The following NBEA variants were observed in gnomAD, a reference collection of about 807,000 sequenced individuals.
The protein encoded by NBEA is lysosomal-trafficking regulator 2.
In NBEA, 44 loss-of-function variants were observed where a neutral mutation model predicts 343.4. The observed-to-expected ratio is 0.13, with a 90% CI of 0.10 to 0.16. The LOEUF (loss-of-function observed/expected upper bound fraction) is 0.16. Ranked by LOEUF, NBEA falls within the 10% of genes least tolerant of loss-of-function variation. The pLI, the probability that NBEA is intolerant of heterozygous loss-of-function variation, is 1.00. For synonymous variants in NBEA, 1,175 were observed against 1,238.7 expected (o/e 0.95, Z 1.08); for missense variants, 2,555 against 3,631.3 (o/e 0.70, Z 7.62).
chr13:35,210,913 T>C, intron 32 of NBEA, 140 bp from the exon 33 acceptor site: 1 of 794,520 alleles, frequency 1.3e-6, no homozygotes, highest in Non-Finnish European at 2.0e-6. Flanking sequence ...GCATACTTAC[T>C]AATGGCCAAA....
chr13:35,454,104 TC>T (rs2152947403), intron 40 of NBEA, among the ~76,000 whole-genome samples: 1 of 152,266 alleles, frequency 6.6e-6, no homozygotes, highest in South Asian at 2.1e-4. Context: ...AAAGTATTGA[TC>T]CTCTGCCTAC....
intron 1 of NBEA, among the ~76,000 whole-genome samples, chr13:34,985,140 G>A (rs888309502): frequency 6.6e-6 from 1 of 151,020 alleles, no homozygotes; most frequent in African/African-American, 2.4e-5. Flanking sequence ...AATGCTTCAA[G>A]TTTTTGCCCA....
chr13:35,377,475 G>C (rs150562446), intron 38 of NBEA, among the ~76,000 whole-genome samples: 126 of 152,294 alleles, frequency 8.3e-4, no homozygotes, highest in African/African-American at 2.9e-3. Context: ...ATTCACTGTA[G>C]TTTGATAGTT....
rs1265630912 is a variant in NBEA, at chr13:35,566,966, A to G, written c.6984A>G (p.Glu2328=). The part of the protein sequence containing the change: ...PVFPWVLTNY[E]SEELDLTLPG... ...TTCCGTGGGTGTTAACCAACTATGA[A>G]TCAGAAGAGTTGGACCTGACTCTTC... The change falls in exon 45 of 59, where the codon GAA becomes GAG. Residue 2328 remains glutamate, a synonymous_variant. Transcript: ENST00000379939. The G allele has an allele frequency of 6.2e-7, 1 of 1,613,014 alleles. No homozygotes were observed. Among genetic ancestry groups the G allele is most frequent in the Admixed American group, 1.7e-5 (1 of 60,014 alleles).
intron 40 of NBEA, among the ~76,000 whole-genome samples, chr13:35,459,279 G>A (rs562132580): frequency 3.3e-5 from 5 of 152,078 alleles, no homozygotes; most frequent in African/African-American, 1.2e-4. Flanking sequence ...CATAGCTATT[G>A]TTCTACTAGT....
At chr13:35,663,456 T>A (rs1016736817) in intron 55 of NBEA, among the ~76,000 whole-genome samples, 6 of 152,236 alleles carry the variant, frequency 3.9e-5, no homozygotes, top group African/African-American at 1.4e-4. Flanking sequence ...TTCTTTTTTT[T>A]TATAGCAGAA....
intron 1 of NBEA, among the ~76,000 whole-genome samples, chr13:34,983,597 A>T (rs2060438401): frequency 6.6e-6 from 1 of 152,178 alleles, no homozygotes; most frequent in Admixed American, 6.5e-5. Context: ...GAATTGCCAC[A>T]CTGTCTTCCA....
At chr13:35,539,538 A>T (rs556218888) in intron 41 of NBEA, among the ~76,000 whole-genome samples, 1 of 152,310 alleles carries the variant, frequency 6.6e-6, no homozygotes, top group East Asian at 1.9e-4. Flanking sequence ...CTTCATATGC[A>T]TAAATTGTAC....
intron 41 of NBEA, among the ~76,000 whole-genome samples, chr13:35,480,914 C>G (rs961072305): frequency 5.3e-5 from 8 of 151,868 alleles, no homozygotes; most frequent in African/African-American, 1.9e-4. Context: ...TAGCTTGAAA[C>G]CTTTCAAGGT....
At chr13:35,313,572 A>G (rs1310161020) in intron 36 of NBEA, among the ~76,000 whole-genome samples, 1 of 152,184 alleles carries the variant, frequency 6.6e-6, no homozygotes, top group Non-Finnish European at 1.5e-5. Flanking sequence ...GGAGGTCATG[A>G]TGATCTCATC....
chr13:35,233,156 A>T (rs566343418), intron 34 of NBEA, among the ~76,000 whole-genome samples: 1 of 152,120 alleles, frequency 6.6e-6, no homozygotes, highest in Non-Finnish European at 1.5e-5. Flanking sequence ...GCTTTGAAAA[A>T]TATGGTTAAT....
intron 36 of NBEA, among the ~76,000 whole-genome samples, chr13:35,319,178 A>T (rs1367731100): frequency 1.3e-5 from 2 of 151,838 alleles, no homozygotes; most frequent in Admixed American, 6.6e-5. Flanking sequence ...TAGTTCTTTC[A>T]ATTGTGATGT....
chr13:35,045,201 T>A, intron 3 of NBEA, 105 bp from the exon 4 acceptor site: 1 of 1,206,782 alleles, frequency 8.3e-7, no homozygotes, highest in Non-Finnish European at 1.1e-6. Context: ...GATTTAAAAT[T>A]AATTTTTCTC....
intron 21 of NBEA, among the ~76,000 whole-genome samples, chr13:35,157,501 G>A (rs1297205155): frequency 6.6e-6 from 1 of 152,084 alleles, no homozygotes; most frequent in Non-Finnish European, 1.5e-5. Flanking sequence ...ACCCAAAGCT[G>A]ACATACATCT....
chr13:35,648,429 T>TTATTTTATG (rs1210967597), intron 51 of NBEA, among the ~76,000 whole-genome samples: 2 of 152,052 alleles, frequency 1.3e-5, no homozygotes, highest in African/African-American at 4.8e-5. Flanking sequence ...CTCTAACACT[T>TTATTTTATG]TATTTTATGA....
At position 34,960,718 on chromosome 13, in the gene NBEA, A is replaced by G. The variant is rs951975091; in HGVS notation, c.294+17604A>G. Among the ~76,000 whole-genome samples, 10 of 152,140 alleles carry G rather than the reference A, an allele frequency of 6.6e-5. No individual in the cohort carries two copies. The East Asian group carries it at 1.7e-3, about 26-fold the overall frequency. ...TGTGCAGGTTTGCAGCCTAGGAACA[A>G]TGGGCCATACCATAGAGCCTATGTA... is the stretch of plus-strand genomic sequence containing the variant. On this transcript the variant is annotated intron_variant, in intron 1 of 58. Coordinates refer to ENST00000379939, the MANE Select transcript of NBEA (RefSeq NM_001385012.1).
At chr13:35,124,717 T>C (rs953406543) in intron 17 of NBEA, among the ~76,000 whole-genome samples, 4 of 151,416 alleles carry the variant, frequency 2.6e-5, no homozygotes, top group Non-Finnish European at 5.9e-5. Context: ...TATGTATGGA[T>C]ATATATACAC....
intron 33 of NBEA, among the ~76,000 whole-genome samples, chr13:35,230,389 A>T (rs939454526): frequency 6.6e-6 from 1 of 152,142 alleles, no homozygotes; most frequent in Admixed American, 6.6e-5. Flanking sequence ...CTTTAACTCA[A>T]TAATAGTACA....
intron 48 of NBEA, among the ~76,000 whole-genome samples, chr13:35,613,647 G>A (rs141844359): frequency 3.9e-5 from 6 of 151,962 alleles, no homozygotes; most frequent in African/African-American, 1.5e-4. Context: ...TTTTGAGACA[G>A]TGTCTCACTC....
Sources: allele counts gnomAD v4.1 joint callset (sites outside exome capture counted in the v4.1 genomes callset), GRCh38; gene constraint gnomAD v4.1.1; transcripts MANE v1.5; gene names NCBI Gene and HGNC (gene_info 2026-07-23, HGNC 2026-07-21).